CFAP61: variants seen among roughly 807,000 people sequenced by gnomAD.
CFAP61 encodes cilia- and flagella-associated protein 61.
Under a neutral mutation model 135.6 loss-of-function variants are expected in CFAP61, and 107 were observed. The observed-to-expected ratio is 0.79, with a 90% CI of 0.67 to 0.93. CFAP61 has a LOEUF of 0.93. Ranked by LOEUF, CFAP61 falls within the 40% of genes least tolerant of loss-of-function variation. The pLI, the probability that CFAP61 is intolerant of heterozygous loss-of-function variation, is 0.00. For synonymous variants in CFAP61, 575 were observed against 578.5 expected, an observed-to-expected ratio of 0.99 and a Z score of 0.09; for missense variants, 1,507 against 1,556.2, an observed-to-expected ratio of 0.97 and a Z score of 0.53.
At chr20:20,299,122 G>A (rs1047378729) in intron 25 of CFAP61, among the ~76,000 whole-genome samples, 1 of 152,158 alleles carries the variant, frequency 6.6e-6, no homozygotes, top group Admixed American at 6.5e-5. Context: ...GCAACTGCCA[G>A]GATTGCCATC....
chr20:20,190,039 C>G (rs944356030), intron 14 of CFAP61, among the ~76,000 whole-genome samples: 1 of 152,208 alleles, frequency 6.6e-6, no homozygotes. Flanking sequence ...CCTGCCTCAG[C>G]CTCTCAAAGT....
intron 24 of CFAP61, among the ~76,000 whole-genome samples, chr20:20,297,848 A>G (rs1290394908): frequency 5.3e-5 from 8 of 152,240 alleles, no homozygotes; most frequent in African/African-American, 1.9e-4. Context: ...TAACAGTGTT[A>G]AAACACCTCA....
intron 17 of CFAP61, among the ~76,000 whole-genome samples, chr20:20,202,092 T>C (rs1456518302): frequency 6.6e-6 from 1 of 152,082 alleles, no homozygotes; most frequent in East Asian, 1.9e-4. Flanking sequence ...TATTACTGCT[T>C]CCCAGGTTGC....
At chr20:20,122,815 T>G (rs903266817) in intron 8 of CFAP61, among the ~76,000 whole-genome samples, 2 of 152,036 alleles carry the variant, frequency 1.3e-5, no homozygotes, top group African/African-American at 2.4e-5. Flanking sequence ...GTAGTTCTAC[T>G]TTTAGTTCTT....
At chr20:20,355,376 A>G (rs1403679552) in intron 26 of CFAP61, among the ~76,000 whole-genome samples, 1 of 92,354 alleles carries the variant, frequency 1.1e-5, no homozygotes, top group African/African-American at 4.7e-5. Context: ...GAGGGGAGGT[A>G]GTGACACTGT....
intron 13 of CFAP61, chr20:20,172,299 AT>A (rs1447096130): frequency 2.1e-6 from 2 of 972,396 alleles, no homozygotes; most frequent in African/African-American, 1.9e-5. Context: ...GTTATGTTTG[AT>A]TTTTTTGTTT....
At chr20:20,204,447 C>T (rs891005778) in intron 17 of CFAP61, among the ~76,000 whole-genome samples, 6 of 152,206 alleles carry the variant, frequency 3.9e-5, no homozygotes, top group Admixed American at 2.0e-4. Context: ...CACTCACTGG[C>T]ATTCAGTTAC....
chr20:20,101,645 G>T (rs2048030253), intron 8 of CFAP61, among the ~76,000 whole-genome samples: 1 of 55,010 alleles, frequency 1.8e-5, no homozygotes, highest in Admixed American at 2.4e-4. Flanking sequence ...ATTTTTTTGA[G>T]ATGAAGGCCC....
intron 8 of CFAP61, among the ~76,000 whole-genome samples, chr20:20,101,666 C>G (rs1259082985): frequency 6.6e-6 from 1 of 152,002 alleles, no homozygotes; most frequent in Non-Finnish European, 1.5e-5. Context: ...CCCTCTGTCA[C>G]CCAGGTTGGA....
rs2055650667 is a variant in CFAP61 at position 20,188,164 on chromosome 20, G to A, written c.1512+108G>A. On this transcript the variant is annotated intron_variant, in intron 14 of 26. Transcript: ENST00000245957. ...TCTGAGTTGGAAAATCATATGGCAG[G>A]GGGCAGTGGAGGTAGAGTTAGAAGA... 10 of 1,160,994 alleles carry A rather than the reference G, an allele frequency of 8.6e-6. No individual in the cohort carries two copies. In the East Asian group the frequency reaches 9.6e-5, roughly 11 times the overall value. The allele number at this position is 1,160,994 out of a possible 1,614,324, so 71.9% of individuals were successfully genotyped here.
At chr20:20,068,048 AT>A (rs2045430755) in intron 2 of CFAP61, among the ~76,000 whole-genome samples, 1 of 152,116 alleles carries the variant, frequency 6.6e-6, no homozygotes, top group African/African-American at 2.4e-5. Flanking sequence ...TTTAATGTCT[AT>A]GTGGTATATA....
chr20:20,120,021 G>A (rs373158332), intron 8 of CFAP61, among the ~76,000 whole-genome samples: 7 of 152,146 alleles, frequency 4.6e-5, no homozygotes, highest in East Asian at 1.9e-4. Flanking sequence ...CCATTGATGG[G>A]CATTTAGGTT....
At chr20:20,248,013 A>G (rs571223310) in intron 19 of CFAP61, among the ~76,000 whole-genome samples, 2 of 152,270 alleles carry the variant, frequency 1.3e-5, no homozygotes, top group East Asian at 3.9e-4. Context: ...AGAATCCTTC[A>G]ACTATAATAT....
chr20:20,056,817 A>G (rs2044376760), intron 2 of CFAP61, 21 bp downstream of exon 2: 6 of 1,612,700 alleles, frequency 3.7e-6, no homozygotes, highest in Non-Finnish European at 5.1e-6. Context: ...AACTAAGTTC[A>G]AGAATGTTCA....
At chr20:20,118,306 T>TTTCTTTCTTTC (rs1320313585) in intron 8 of CFAP61, among the ~76,000 whole-genome samples, 2 of 121,692 alleles carry the variant, frequency 1.6e-5, no homozygotes, top group African/African-American at 6.3e-5. Context: ...TCTTTCTTTC[T>TTTCTTTCTTTC]TTTCTTTCTT....
chr20:20,286,386 G>A (rs781755516), intron 22 of CFAP61, among the ~76,000 whole-genome samples: 2 of 152,170 alleles, frequency 1.3e-5, no homozygotes, highest in African/African-American at 2.4e-5. Flanking sequence ...TAGATCATGC[G>A]CTCCATGCTT....
rs2054608523 is a variant in CFAP61, at chr20:20,176,115, T to G, written c.1385+6655T>G. 3.4e-5 allele frequency among the ~76,000 whole-genome samples: 4 copies of G among 117,838 alleles called. No homozygotes were observed. The South Asian group carries it at 1.3e-3, about 38-fold the overall frequency. 77.3% of individuals were successfully genotyped at this position (117,838 alleles called of 152,430 possible). A position where few individuals can be genotyped will look rare whatever the true frequency, so the allele number is the denominator to read the frequency against. On this transcript the variant is annotated intron_variant, in intron 13 of 26. Transcript: ENST00000245957. ...AACATGAAAAAAAGCTCAAAATCACTGATCATTAGTGAAATGCAAATCAAA... is the reference window on the plus strand; with the variant it reads ...AACATGAAAAAAAGCTCAAAATCACGGATCATTAGTGAAATGCAAATCAAA...
intron 19 of CFAP61, among the ~76,000 whole-genome samples, chr20:20,250,842 G>A (rs981242849): frequency 6.6e-6 from 1 of 152,242 alleles, no homozygotes; most frequent in East Asian, 1.9e-4. Flanking sequence ...ATCATACTAC[G>A]TGAAAGCGCT....
intron 2 of CFAP61, among the ~76,000 whole-genome samples, chr20:20,067,907 T>C (rs1345874595): frequency 6.6e-6 from 1 of 151,494 alleles, no homozygotes; most frequent in Non-Finnish European, 1.5e-5. Flanking sequence ...GAAAATTATA[T>C]ACATAAAAGG....
Sources: gnomAD v4.1 joint callset for allele counts (sites outside exome capture counted in the v4.1 genomes callset) on GRCh38, gnomAD v4.1.1 for gene constraint, MANE v1.5 for transcripts, NCBI Gene and HGNC (gene_info 2026-07-23, HGNC 2026-07-21) for gene names.